Variants in LRRTM4 observed in about 807,000 individuals in gnomAD.
LRRTM4 encodes the protein leucine-rich repeat transmembrane neuronal protein 4.
A neutral mutation model predicts 47.6 loss-of-function variants in LRRTM4; 25 were observed. The observed-to-expected ratio is 0.53, with a 90% CI of 0.38 to 0.73. The LOEUF (loss-of-function observed/expected upper bound fraction) is 0.73. Among genes scored for constraint, LRRTM4 ranks in the 30% least tolerant of loss-of-function variants. The probability of loss-of-function intolerance (pLI) is 0.00; values close to 1 mark genes in which losing one functional copy is unlikely to be tolerated. For missense variants in LRRTM4, 638 were observed against 713.4 expected (o/e 0.89, Z 1.20); for synonymous variants, 311 against 269.5 (o/e 1.15, Z -1.51).
chr2:76,962,416 C>T (rs1360760272), intron 3 of LRRTM4, among the ~76,000 whole-genome samples: 1 of 150,674 alleles, frequency 6.6e-6, no homozygotes, highest in East Asian at 2.0e-4. Context: ...TTGTTGTTTG[C>T]ATAACAATAT....
At chr2:77,453,165 G>A (rs1445344178) in intron 3 of LRRTM4, among the ~76,000 whole-genome samples, 1 of 129,502 alleles carries the variant, frequency 7.7e-6, no homozygotes, top group Non-Finnish European at 1.7e-5. Context: ...GATTTTATCT[G>A]TTTCTTCTTG....
intron 3 of LRRTM4, among the ~76,000 whole-genome samples, chr2:76,904,882 G>T (rs372398558): frequency 6.6e-6 from 1 of 152,182 alleles, no homozygotes; most frequent in East Asian, 1.9e-4. Context: ...CATCATTCTT[G>T]GGGGAGGAGC....
chr2:77,495,168 A>G (rs1678313436), intron 3 of LRRTM4, among the ~76,000 whole-genome samples: 1 of 150,524 alleles, frequency 6.6e-6, no homozygotes, highest in African/African-American at 2.4e-5. Context: ...CCTAAAAATC[A>G]AAGGGCTAAG....
intron 3 of LRRTM4, among the ~76,000 whole-genome samples, chr2:77,093,403 C>T (rs1670710097): frequency 6.6e-6 from 1 of 151,078 alleles, no homozygotes; most frequent in African/African-American, 2.5e-5. Flanking sequence ...TCAATTCATC[C>T]AAAACCGTAT....
intron 3 of LRRTM4, among the ~76,000 whole-genome samples, chr2:77,036,791 A>T (rs928475713): frequency 2.6e-5 from 4 of 151,730 alleles, no homozygotes; most frequent in Non-Finnish European, 4.4e-5. Flanking sequence ...ACTCAATAGT[A>T]GTAACTGAAG....
At position 77,410,355 on chromosome 2, in the gene LRRTM4, G is replaced by A. The variant is rs116121401; in HGVS notation, c.1551+107963C>T. ...TTTAAGGTCTATTTTAAAGACCTCC[G>A]TGCCCTGAAATAGCTCCCACACTGG... On this transcript the variant is annotated intron_variant, in intron 3 of 3. Transcript: ENST00000409884. Among the ~76,000 whole-genome samples the A allele has an allele frequency of 2.3e-3, 346 of 152,170 alleles. 1 individual carries two copies. Among genetic ancestry groups the A allele is most frequent in the African/African-American group, 7.2e-3 (297 of 41,524 alleles).
intron 3 of LRRTM4, among the ~76,000 whole-genome samples, chr2:76,934,402 T>C (rs541372891): frequency 3.9e-5 from 6 of 152,276 alleles, no homozygotes; most frequent in Non-Finnish European, 7.4e-5. Context: ...GACAGTAATG[T>C]GACTAGGGAC....
chr2:77,497,469 T>C (rs1422099810), intron 3 of LRRTM4, among the ~76,000 whole-genome samples: 1 of 151,452 alleles, frequency 6.6e-6, no homozygotes, highest in East Asian at 1.9e-4. Context: ...GTTGTGGTTT[T>C]GCTATTGTTT....
chr2:76,819,683 C>G (rs1289405927), intron 3 of LRRTM4, among the ~76,000 whole-genome samples: 1 of 151,892 alleles, frequency 6.6e-6, no homozygotes, highest in Non-Finnish European at 1.5e-5. Flanking sequence ...ACTGATTCAT[C>G]TTCTAGATTG....
intron 3 of LRRTM4, among the ~76,000 whole-genome samples, chr2:77,029,980 G>A (rs1226523279): frequency 1.3e-5 from 2 of 152,134 alleles, no homozygotes; most frequent in Non-Finnish European, 2.9e-5. Flanking sequence ...GTGTCATAGT[G>A]TAAAAGGTCT....
chr2:77,235,558 C>T (rs951964776), intron 3 of LRRTM4, among the ~76,000 whole-genome samples: 9 of 152,048 alleles, frequency 5.9e-5, no homozygotes, highest in Non-Finnish European at 8.8e-5. Flanking sequence ...GTTGCAATTA[C>T]GTTTGAGGAC....
At chr2:77,362,152 A>AG (rs1266253841) in intron 3 of LRRTM4, among the ~76,000 whole-genome samples, 4 of 151,556 alleles carry the variant, frequency 2.6e-5, no homozygotes, top group African/African-American at 9.7e-5. Context: ...AAAGAAAGAA[A>AG]GAAAGAAAGA....
At chr2:76,778,626 C>T (rs1378638599) in intron 3 of LRRTM4, among the ~76,000 whole-genome samples, 10 of 152,020 alleles carry the variant, frequency 6.6e-5, no homozygotes, top group East Asian at 1.9e-4. Context: ...TCATTTTTTA[C>T]TGCATCCATT....
At chr2:77,313,050 C>T (rs1187779745) in intron 3 of LRRTM4, among the ~76,000 whole-genome samples, 1 of 152,084 alleles carries the variant, frequency 6.6e-6, no homozygotes, top group Admixed American at 6.5e-5. Context: ...AAACATTAAC[C>T]CATAGACATA....
chr2:77,047,036 A>C (rs770504202), intron 3 of LRRTM4, among the ~76,000 whole-genome samples: 11 of 152,042 alleles, frequency 7.2e-5, no homozygotes, highest in Non-Finnish European at 1.6e-4. Context: ...TGGTAGTTAT[A>C]ATGCATTTAC....
chr2:77,118,186 G>A (rs1047754627), intron 3 of LRRTM4, among the ~76,000 whole-genome samples: 7 of 151,632 alleles, frequency 4.6e-5, no homozygotes, highest in African/African-American at 1.7e-4. Flanking sequence ...TTGTAGAGAC[G>A]TCACCACTGA....
intron 3 of LRRTM4, among the ~76,000 whole-genome samples, chr2:76,915,369 G>T (rs1383496349): frequency 6.6e-6 from 1 of 152,162 alleles, no homozygotes; most frequent in Non-Finnish European, 1.5e-5. Context: ...GGGTAAAGTT[G>T]TGGCAGTGTG....
intron 3 of LRRTM4, among the ~76,000 whole-genome samples, chr2:77,029,844 G>A (rs962277648): frequency 2.6e-5 from 4 of 152,250 alleles, no homozygotes; most frequent in African/African-American, 9.6e-5. Flanking sequence ...GGACATCAAT[G>A]ACAATGAAGC....
At chr2:76,947,247 GAT>G (rs147109941) in intron 3 of LRRTM4, among the ~76,000 whole-genome samples, 332 of 151,988 alleles carry the variant, frequency 2.2e-3, no homozygotes, top group African/African-American at 7.8e-3. Flanking sequence ...AGACTACACT[GAT>G]ATGTCCTGTG....
Sources: gnomAD v4.1 joint callset for allele counts (sites outside exome capture counted in the v4.1 genomes callset) on GRCh38, gnomAD v4.1.1 for gene constraint, MANE v1.5 for transcripts, NCBI Gene and HGNC (gene_info 2026-07-23, HGNC 2026-07-21) for gene names.